The following NEB variants were observed in gnomAD, a reference collection of about 807,000 sequenced individuals.
NEB encodes the protein nebulin.
In NEB, 512 loss-of-function variants were observed where a neutral mutation model predicts 952.2. The ratio of observed to expected loss-of-function variants is 0.54; its 90% CI spans 0.50 to 0.58. The LOEUF (loss-of-function observed/expected upper bound fraction) is 0.58. Ranked by LOEUF, NEB falls within the 20% of genes least tolerant of loss-of-function variation. The pLI, the probability that NEB is intolerant of heterozygous loss-of-function variation, is 0.00. For missense variants in NEB, 8,428 were observed against 9,231.1 expected, an observed-to-expected ratio of 0.91 and a Z score of 3.56; for synonymous variants, 2,900 against 3,149.8, an observed-to-expected ratio of 0.92 and a Z score of 2.66.
At chr2:151,726,561 CCCA>C (rs2099791079) in intron 5 of NEB, among the ~76,000 whole-genome samples, 1 of 152,122 alleles carries the variant, frequency 6.6e-6, no homozygotes, top group Non-Finnish European at 1.5e-5. Context: ...GAGACCTCAG[CCCA>C]CCATGGACAA....
intron 67 of NEB, 114 bp downstream of exon 67, chr2:151,630,601 G>T: frequency 1.3e-6 from 1 of 754,706 alleles, no homozygotes; most frequent in Non-Finnish European, 2.2e-6. Flanking sequence ...TTGGATGAGT[G>T]GAGTGTTAAA....
chr2:151,526,449 TAAC>T (rs1344744997), intron 148 of NEB, among the ~76,000 whole-genome samples, 187 bp from the exon 149 acceptor site: 1 of 152,186 alleles, frequency 6.6e-6, no homozygotes, highest in East Asian at 1.9e-4. Flanking sequence ...GTGGTTTTAA[TAAC>T]AATCAAAATG....
At position 151,697,566 on chromosome 2, in the gene NEB, A is replaced by G. The variant is rs1356699437; in HGVS notation, c.1235T>C (p.Val412Ala). ...TACATCACTACTGAAGTTCTGCAGA[A>G]CAGTATCGAGCTTGAATTTGGGGGT... ...CETPKFKLDTVLQNFSSDKKY... is the reference protein window; with the variant it reads ...CETPKFKLDTALQNFSSDKKY... The change falls in exon 14 of 182, where the codon GTT becomes GCT. Residue 412 changes from valine to alanine, a missense_variant. Coordinates refer to ENST00000397345, the MANE Select transcript of NEB (RefSeq NM_001164508.2). The G allele has an allele frequency of 3.7e-6, 6 of 1,613,164 alleles. No homozygotes were observed.
At chr2:151,667,671 G>A in intron 40 of NEB, 133 bp downstream of exon 40, 1 of 562,224 alleles carries the variant, frequency 1.8e-6, no homozygotes, top group Admixed American at 3.2e-5. Context: ...GGAACTACAG[G>A]TACACGCCAC....
At position 151,609,769 on chromosome 2, in the gene NEB, A is replaced by G. The variant is rs368799447; in HGVS notation, c.12330+40T>C. 11 of 1,523,106 alleles carry G rather than the reference A, an allele frequency of 7.2e-6. No homozygotes were observed. In the African/African-American group the frequency reaches 1.2e-4, roughly 17 times the overall value. 94.3% of individuals were successfully genotyped at this position (1,523,106 alleles called of 1,614,324 possible). ...CTGACTGGGCAATGAACAAATCTAC[A>G]TCTTCCCCTTCCCCCTTTCCCAAAA... On this transcript the variant is annotated intron_variant, in intron 81 of 181. Coordinates refer to ENST00000397345, the MANE Select transcript of NEB (RefSeq NM_001164508.2).
In NEB at chr2:151,662,332, T is replaced by G; in HGVS notation, c.5773A>C (p.Lys1925Gln). 1 of 1,573,668 alleles carries G rather than the reference T, an allele frequency of 6.4e-7. No homozygotes were observed. ...MMQIQSDNQY[K>Q]ADYADFMKGI... ...TTCATGAAGTCAGCATAGTCAGCCT[T>G]GTACTGATTCTGCAAAAGAGGAAAA... Residue 1925 changes from lysine (K) to glutamine (Q), a missense_variant, in exon 46 of 182, where the codon AAG becomes CAG. Physicochemically the swap from Lys to Gln is moderately conservative, Grantham distance 53 (BLOSUM62 1). Coordinates refer to ENST00000397345, the MANE Select transcript of NEB (RefSeq NM_001164508.2).
chr2:151,634,539 G>A (rs376799101), intron 64 of NEB, among the ~76,000 whole-genome samples: 54 of 152,248 alleles, frequency 3.5e-4, no homozygotes, highest in African/African-American at 1.2e-3. Context: ...CTACTTGGGA[G>A]GCTGAGGCAG....
In NEB at chr2:151,538,149, G is replaced by A; in HGVS notation, c.20988C>T (p.Asp6996=). 1.2e-6 allele frequency: 2 copies of A among 1,604,890 alleles called. No individual in the cohort carries two copies. The highest frequency in any genetic ancestry group is 1.7e-6 in the Non-Finnish European group (2 of 1,171,994). ...ATATTTAGGGACATACTTTACTGAT[G>A]TCATCTGTGACTTTGCGATGATAGA... ...DIVYHRKVTD[D]ISKIKYKENY... The change falls in exon 139 of 182, where the codon GAC becomes GAT. Residue 6996 remains aspartate, a synonymous_variant. Coordinates refer to ENST00000397345, the MANE Select transcript of NEB (RefSeq NM_001164508.2).
At chr2:151,511,470 AAAAC>A (rs1181190372) in intron 161 of NEB, among the ~76,000 whole-genome samples, 2 of 152,206 alleles carry the variant, frequency 1.3e-5, no homozygotes, top group African/African-American at 2.4e-5. Context: ...GTGAAAATTA[AAAAC>A]AAACAAAAAT....
In NEB at chr2:151,687,643, T is replaced by A. The variant is rs772431422; in HGVS notation, c.2506A>T (p.Thr836Ser). Reference protein sequence around the residue: ...AIPLLAAKANTKNTSDVMYKK... With the variant: ...AIPLLAAKANSKNTSDVMYKK... Reference sequence around the variant, plus strand: ...ACACTCACATCGCTGGTGTTCTTGGTGTTGGCTTTGGCTGCCAACAGGGGA... The same window carrying A: ...ACACTCACATCGCTGGTGTTCTTGGAGTTGGCTTTGGCTGCCAACAGGGGA... Residue 836 changes from threonine (T) to serine (S), a missense_variant, in exon 26 of 182, where the codon ACC becomes TCC. Thr to Ser is a moderately conservative substitution (Grantham distance 58). Coordinates refer to ENST00000397345, the MANE Select transcript of NEB (RefSeq NM_001164508.2). The A allele has an allele frequency of 5.0e-6, 8 of 1,612,680 alleles. No individual in the cohort carries two copies. The highest frequency in any genetic ancestry group is 1.7e-4 in the Middle Eastern group (1 of 6,060).
chr2:151,530,933 G>A (rs191891809), intron 145 of NEB, 61 bp downstream of exon 145: 1 of 1,111,726 alleles, frequency 9.0e-7, no homozygotes, highest in African/African-American at 1.5e-5. Flanking sequence ...ACCAGGGTTT[G>A]TTACATCTCA....
At chr2:151,672,270 T>C in intron 37 of NEB, 99 bp downstream of exon 37, 2 of 1,186,526 alleles carry the variant, frequency 1.7e-6, no homozygotes, top group East Asian at 2.5e-5. Flanking sequence ...CTAAAGTGCA[T>C]TTGTCAAATA....
intron 15 of NEB, 46 bp from the exon 16 acceptor site, chr2:151,697,298 T>G (rs759250599): frequency 6.2e-7 from 1 of 1,609,166 alleles, no homozygotes; most frequent in Non-Finnish European, 8.5e-7. Flanking sequence ...ATTGTATTCA[T>G]GCCCTGAGAA....
chr2:151,630,931 T>A lies in NEB; in HGVS notation c.9619-112A>T, dbSNP rs545350843. 25 of 1,173,658 alleles carry A rather than the reference T, an allele frequency of 2.1e-5. No individual in the cohort carries two copies. The African/African-American group carries it at 3.6e-4, about 17-fold the overall frequency. The allele number at this position is 1,173,658 out of a possible 1,614,324, so 72.7% of individuals were successfully genotyped here. On this transcript the variant is annotated intron_variant, in intron 66 of 181. Transcript: ENST00000397345. ...TTAGGAAAAATAAGCCAGACTTGAA[T>A]ATAAAGTATTCTACTGGAAGTGTGA... is the stretch of plus-strand genomic sequence containing the variant.
intron 28 of NEB, among the ~76,000 whole-genome samples, chr2:151,683,655 G>T (rs1246736846): frequency 3.9e-5 from 6 of 152,136 alleles, no homozygotes. Context: ...AAACAGTATG[G>T]TGGTTCCTCT....
At chr2:151,642,715 A>G in intron 59 of NEB, 34 bp from the exon 60 acceptor site, 1 of 1,608,948 alleles carries the variant, frequency 6.2e-7, no homozygotes, top group Non-Finnish European at 8.5e-7. Context: ...TTGGATTTAT[A>G]AAGTGCATTG....
At chr2:151,493,149 C>T (rs1559150076) in intron 176 of NEB, 3 of 524,258 alleles carry the variant, frequency 5.7e-6, no homozygotes, top group African/African-American at 3.9e-5. Context: ...TGTAAAAGCA[C>T]AGTTAATGTC....
At chr2:151,500,287 C>T (rs2153043221) in intron 168 of NEB, among the ~76,000 whole-genome samples, 2 of 152,114 alleles carry the variant, frequency 1.3e-5, no homozygotes, top group East Asian at 3.9e-4. Flanking sequence ...TTTAAACTGA[C>T]AATTAAAAAT....
At chr2:151,535,837 T>A in intron 141 of NEB, 42 bp from the exon 142 acceptor site, 1 of 1,091,170 alleles carries the variant, frequency 9.2e-7, no homozygotes, top group East Asian at 2.5e-5. Context: ...CAGGCTATGA[T>A]TATCTTAAGA....
Sources: allele counts gnomAD v4.1 joint callset (sites outside exome capture counted in the v4.1 genomes callset), GRCh38; gene constraint gnomAD v4.1.1; transcripts MANE v1.5; gene names NCBI Gene and HGNC (gene_info 2026-07-23, HGNC 2026-07-21).